The following TAOK2 variants were observed in gnomAD, a reference collection of about 807,000 sequenced individuals.
TAOK2 encodes the protein serine/threonine-protein kinase TAO2.
A neutral mutation model predicts 122.5 loss-of-function variants in TAOK2; 42 were observed. The ratio of observed to expected loss-of-function variants is 0.34; its 90% CI spans 0.27 to 0.44. The LOEUF is 0.44. Among genes scored for constraint, TAOK2 ranks in the 20% least tolerant of loss-of-function variants. The pLI is 1.00. For synonymous variants in TAOK2, 704 were observed against 677.6 expected (o/e 1.04, Z -0.61); for missense variants, 1,264 against 1,644.9 (o/e 0.77, Z 4.01).
At position 29,983,037 on chromosome 16, in the gene TAOK2, C is replaced by T. The variant is rs200888537; in HGVS notation, c.1000-35C>T. On this transcript the variant is annotated intron_variant, in intron 11 of 15. Coordinates refer to ENST00000308893, the MANE Select transcript of TAOK2 (RefSeq NM_016151.4). Reference sequence around the variant, plus strand: ...TCCATGCATATGCCCCAGGGCTTCCCCTTCCCTGTCCAGCAGCCTACGCCC... The same window carrying T: ...TCCATGCATATGCCCCAGGGCTTCCTCTTCCCTGTCCAGCAGCCTACGCCC... The T allele has an allele frequency of 1.7e-4, 271 of 1,612,184 alleles. 3 individuals carry two copies. In the South Asian group the frequency reaches 2.8e-3, roughly 17 times the overall value.
downstream of TAOK2, chr16:29,991,190 G>A (rs143856120): frequency 5.0e-5 from 81 of 1,611,072 alleles, no homozygotes; most frequent in Non-Finnish European, 6.1e-5. This position sits in a 1 kb window ranked among gnomAD's most constrained non-coding sequence, Gnocchi z 5.6. Flanking sequence ...GGGGCATCCC[G>A]GCTGAAGCTG....
chr16:29,981,739 T>C lies in TAOK2; in HGVS notation c.734T>C (p.Leu245Pro). 1 of 1,614,172 alleles carries C rather than the reference T, an allele frequency of 6.2e-7. No individual in the cohort carries two copies. The highest frequency in any genetic ancestry group is 8.5e-7 in the Non-Finnish European group (1 of 1,180,024). ...ATTGCACAGAACGAATCCCCCGTGC[T>C]CCAGTCAGGACACTGGTGAGGACTG... ...YHIAQNESPV[L>P]QSGHWSEYFR... Residue 245 changes from leucine to proline, a missense_variant, in exon 9 of 16, where the codon CTC (leucine) becomes CCC (proline). Around this residue, in one of 4 missense-constraint regions of TAOK2, gnomAD observed 254 missense variants for 503.8 expected, o/e 0.50. Transcript: ENST00000308893.
Position 29,986,280 on chromosome 16 carries a change from C to G in TAOK2, c.2008C>G (p.Gln670Glu). ...TCTGCCTCAGGACCTGAACAAGAAGCAGACCCAGAAGGACTTGGAGTGTGC... is the reference window on the plus strand; with the variant it reads ...TCTGCCTCAGGACCTGAACAAGAAGGAGACCCAGAAGGACTTGGAGTGTGC... ...DLLREDLNKKQTQKDLECALL... is the reference protein window; with the variant it reads ...DLLREDLNKKETQKDLECALL... The change falls in exon 16 of 16, where the codon CAG becomes GAG. Residue 670 changes from glutamine to glutamate, a missense_variant. By Grantham distance (29) the Gln-to-Glu change is conservative (BLOSUM62 2). This residue lies in a region of TAOK2 where 824 missense variants were observed against 908.7 expected (regional missense o/e 0.91). Transcript: ENST00000308893. The surrounding 1 kb of genome is among the most constrained non-coding windows in gnomAD (Gnocchi z 4.2). 1 of 1,518,558 alleles carries G rather than the reference C, an allele frequency of 6.6e-7. No individual in the cohort carries two copies. The highest frequency in any genetic ancestry group is 8.8e-7 in the Non-Finnish European group (1 of 1,133,108). The allele number at this position is 1,518,558 out of a possible 1,614,324, so 94.1% of individuals were successfully genotyped here.
At position 29,981,694 on chromosome 16, in the gene TAOK2, C is replaced by T. The variant is rs781600192; in HGVS notation, c.689C>T (p.Ala230Val). The change falls in exon 9 of 16, where the codon GCG (alanine) becomes GTG (valine). Residue 230 changes from alanine (A) to valine (V), a missense_variant. Coordinates refer to ENST00000308893, the MANE Select transcript of TAOK2 (RefSeq NM_016151.4). The stretch of plus-strand genomic sequence containing the variant: ...AAACCACCGCTCTTTAACATGAATG[C>T]GATGAGTGCCTTATACCACATTGCA... ...ERKPPLFNMN[A>V]MSALYHIAQN... 6.2e-6 allele frequency: 10 copies of T among 1,614,168 alleles called. No individual in the cohort carries two copies. The highest frequency in any genetic ancestry group is 1.1e-5 in the South Asian group (1 of 91,074).
At chr16:29,975,580 G>C (rs987196859) in intron 1 of TAOK2, among the ~76,000 whole-genome samples, 39 of 152,190 alleles carry the variant, frequency 2.6e-4, no homozygotes, top group Non-Finnish European at 5.0e-4. Context: ...GGAGCCTCTG[G>C]CTTTTGCCTC....
Position 29,987,276 on chromosome 16 carries a change from T to G in TAOK2, c.3004T>G (p.Ser1002Ala). The G allele has an allele frequency of 6.6e-7, 1 of 1,526,128 alleles. No homozygotes were observed. Among genetic ancestry groups the G allele is most frequent in the South Asian group, 1.3e-5 (1 of 75,636 alleles). The allele number at this position is 1,526,128 out of a possible 1,614,324, so 94.5% of individuals were successfully genotyped here. A position where few individuals can be genotyped will look rare whatever the true frequency, so the allele number is the denominator to read the frequency against. Residue 1002 changes from serine (S) to alanine (A), a missense_variant, in exon 16 of 16, where the codon TCC becomes GCC. Coordinates refer to ENST00000308893, the MANE Select transcript of TAOK2 (RefSeq NM_016151.4). ...LEVGLVGLGA[S>A]YLLLCTALHL... ...GGTGGGGCTGGTGGGTCTGGGGGCC[T>G]CCTACCTGCTCCTTTGTACAGCCCT... is the stretch of plus-strand genomic sequence containing the variant.
In TAOK2 at chr16:29,983,342, T is replaced by C; in HGVS notation, c.1260+10T>C. ...TATCCACCGGCTGCCGGTACACAGC[T>C]CACCCTTGGGGGACCCGAGCCACCT... On this transcript the variant is annotated intron_variant, in intron 12 of 15. Transcript: ENST00000308893. 1.3e-6 allele frequency: 2 copies of C among 1,589,220 alleles called. No individual in the cohort carries two copies. The highest frequency in any genetic ancestry group is 1.7e-6 in the Non-Finnish European group (2 of 1,172,634).
chr16:29,978,452 G>A lies in TAOK2; in HGVS notation c.306+99G>A, dbSNP rs570377332. On this transcript the variant is annotated intron_variant, in intron 4 of 15. Coordinates refer to ENST00000308893, the MANE Select transcript of TAOK2 (RefSeq NM_016151.4). ...GGTGGTCCCTGTTCGTGGTGCTGTT[G>A]TGGGATCTTGGGAAGGAGGAAGTCT... 152 of 1,314,438 alleles carry A rather than the reference G, an allele frequency of 1.2e-4. No individual in the cohort carries two copies. In the African/African-American group the frequency reaches 2.0e-3, roughly 18 times the overall value. The allele number at this position is 1,314,438 out of a possible 1,614,324, so 81.4% of individuals were successfully genotyped here. A position where few individuals can be genotyped will look rare whatever the true frequency, so the allele number is the denominator to read the frequency against.
chr16:29,991,527 G>A (rs1268448294), downstream of TAOK2: 8 of 1,482,054 alleles, frequency 5.4e-6, no homozygotes, highest in Admixed American at 1.3e-4. This position sits in a 1 kb window ranked among gnomAD's most constrained non-coding sequence, Gnocchi z 5.6. Context: ...CACCAGTGTC[G>A]CTTCCCACAT....
chr16:29,992,050 C>T (rs556422476), downstream of TAOK2: 1 of 153,160 alleles, frequency 6.5e-6, no homozygotes, highest in Admixed American at 6.5e-5. Context: ...TGGGTCTCTT[C>T]CCGTAACTGT....
downstream of TAOK2, chr16:29,989,128 T>C (rs1351084046): frequency 2.0e-6 from 2 of 985,292 alleles, no homozygotes; most frequent in Non-Finnish European, 2.4e-6. Flanking sequence ...GGGTGTTTTG[T>C]GTGACTGGTT....
intron 1 of TAOK2, among the ~76,000 whole-genome samples, chr16:29,976,748 CA>C (rs1309687060): frequency 6.6e-6 from 1 of 152,194 alleles, no homozygotes; most frequent in Non-Finnish European, 1.5e-5. Flanking sequence ...GTAATGGATA[CA>C]GGCCTAACCG....
In TAOK2 at chr16:29,981,374, ATTAG is replaced by A. The variant is rs1761331043; in HGVS notation, c.656-284_656-281del. Reference sequence around the variant, plus strand: ...CTGCTCCCTTTGGCACCTAAGAAATATTAGTTGGGGTGATAACTGAATGGCTGTC... The same window carrying A: ...CTGCTCCCTTTGGCACCTAAGAAATATTGGGGTGATAACTGAATGGCTGTC... On this transcript the variant is annotated intron_variant, in intron 8 of 15. Coordinates refer to ENST00000308893, the MANE Select transcript of TAOK2 (RefSeq NM_016151.4). The A allele has an allele frequency of 6.6e-5, 39 of 586,728 alleles. No individual in the cohort carries two copies. The South Asian group carries it at 8.2e-4, about 12-fold the overall frequency. The allele number at this position is 586,728 out of a possible 1,614,324, so 36.3% of individuals were successfully genotyped here. A position where few individuals can be genotyped will look rare whatever the true frequency, so the allele number is the denominator to read the frequency against.
chr16:29,986,471 G>A lies in TAOK2; in HGVS notation c.2199G>A (p.Ala733=), dbSNP rs138592715. Residue 733 remains alanine (A), a synonymous_variant, in exon 16 of 16, where the codon GCG becomes GCA. Transcript: ENST00000308893. The surrounding 1 kb of genome is among the most constrained non-coding windows in gnomAD (Gnocchi z 4.2). ...AGCAAGAGTTGCGGCAGAAGCATGC[G>A]GCCCAGGTTCGCCAGCAGCCCAAGA... The part of the protein sequence containing the change: ...RREQELRQKH[A]AQVRQQPKSL... 1.6e-5 allele frequency: 26 copies of A among 1,603,598 alleles called. No individual in the cohort carries two copies. Among genetic ancestry groups the A allele is most frequent in the East Asian group, 6.7e-5 (3 of 44,738 alleles).
In TAOK2 at chr16:29,979,114, C is replaced by T. The variant is rs551812791; in HGVS notation, c.449+44C>T. 1.3e-5 allele frequency: 21 copies of T among 1,612,214 alleles called. 1 individual carries two copies. In the South Asian group the frequency reaches 1.3e-4, roughly 10 times the overall value. On this transcript the variant is annotated intron_variant, in intron 6 of 15. Transcript: ENST00000308893. The surrounding 1 kb of genome is among the most constrained non-coding windows in gnomAD (Gnocchi z 4.1). ...GTGCCTGGGAGGGGAGTGCTATCTG[C>T]ACCACCTGTCACTTAGCTGGGCTGC...
chr16:29,986,554 C>T lies in TAOK2; in HGVS notation c.2282C>T (p.Ala761Val), dbSNP rs746888550. The part of the protein sequence containing the change: ...PPGLPLPIPG[A>V]LGPPNTGTPI... Reference sequence around the variant, plus strand: ...GGCCTTCCACTCCCCATTCCTGGGGCTCTGGGCCCACCCAACACAGGCACC... The same window carrying T: ...GGCCTTCCACTCCCCATTCCTGGGGTTCTGGGCCCACCCAACACAGGCACC... Residue 761 changes from alanine (A) to valine (V), a missense_variant, in exon 16 of 16, where the codon GCT becomes GTT. Transcript: ENST00000308893. This position sits in a 1 kb window ranked among gnomAD's most constrained non-coding sequence, Gnocchi z 4.2. 1 of 1,613,902 alleles carries T rather than the reference C, an allele frequency of 6.2e-7. No homozygotes were observed. The highest frequency in any genetic ancestry group is 1.1e-5 in the South Asian group (1 of 91,000).
In TAOK2 at chr16:29,985,926, A is replaced by G; in HGVS notation, c.1992+65A>G. On this transcript the variant is annotated intron_variant, in intron 15 of 15. Coordinates refer to ENST00000308893, the MANE Select transcript of TAOK2 (RefSeq NM_016151.4). This position sits in a 1 kb window ranked among gnomAD's most constrained non-coding sequence, Gnocchi z 6.9. ...GGATCCCAGGGACCCACCCTTTTCCATTTTCCTCATTCTTGTCTTCTTTCT... is the reference window on the plus strand; with the variant it reads ...GGATCCCAGGGACCCACCCTTTTCCGTTTTCCTCATTCTTGTCTTCTTTCT... 6.5e-7 allele frequency: 1 copy of G among 1,538,580 alleles called. No individual in the cohort carries two copies.
chr16:29,991,749 C>T (rs1231251461), downstream of TAOK2: 3 of 768,482 alleles, frequency 3.9e-6, no homozygotes, highest in Non-Finnish European at 5.5e-6. This position sits in a 1 kb window ranked among gnomAD's most constrained non-coding sequence, Gnocchi z 5.6. Flanking sequence ...GCCAGCTTGG[C>T]GATAGGTGCC....
chr16:29,987,997 C>T lies in TAOK2; in HGVS notation c.*17C>T. On this transcript the variant is annotated 3_prime_UTR_variant, in exon 16 of 16. Coordinates refer to ENST00000308893, the MANE Select transcript of TAOK2 (RefSeq NM_016151.4). The stretch of plus-strand genomic sequence containing the variant: ...TGGAGGTAGCTGACTCCAGCCCTTC[C>T]AGCCCAAATCTAGAGCATTGAGCAC... 3 of 1,512,940 alleles carry T rather than the reference C, an allele frequency of 2.0e-6. No homozygotes were observed. Among genetic ancestry groups the T allele is most frequent in the Non-Finnish European group, 2.6e-6 (3 of 1,138,918 alleles). The allele number at this position is 1,512,940 out of a possible 1,614,324, so 93.7% of individuals were successfully genotyped here.
Sources: gnomAD v4.1 joint callset for allele counts (sites outside exome capture counted in the v4.1 genomes callset) on GRCh38, gnomAD v4.1.1 for gene constraint, gnomAD v4.1.1 regional missense constraint, Gnocchi (gnomAD v3.1) non-coding constraint, MANE v1.5 for transcripts, NCBI Gene and HGNC (gene_info 2026-07-23, HGNC 2026-07-21) for gene names.